Variants in LARS1 observed in about 807,000 individuals in gnomAD.
LARS1 encodes the protein leucyl-tRNA synthetase 1, also known as leucine--tRNA ligase, cytoplasmic.
Under a neutral mutation model 162.8 loss-of-function variants are expected in LARS1, and 100 were observed. That is an observed-to-expected ratio of 0.61 (90% CI 0.52 to 0.73). The LOEUF (loss-of-function observed/expected upper bound fraction) is 0.73. Among genes scored for constraint, LARS1 ranks in the 30% least tolerant of loss-of-function variants. The probability of loss-of-function intolerance (pLI) is 0.00; values close to 1 mark genes in which losing one functional copy is unlikely to be tolerated. For missense variants in LARS1, 1,258 were observed against 1,408.9 expected (o/e 0.89, Z 1.71); for synonymous variants, 457 against 462.8 (o/e 0.99, Z 0.16).
At chr5:146,141,531 C>T (rs534020306) in intron 20 of LARS1, among the ~76,000 whole-genome samples, 5 of 152,294 alleles carry the variant, frequency 3.3e-5, no homozygotes, top group Admixed American at 1.3e-4. Context: ...GGGCCAGGCA[C>T]GGTGGCTCAT....
chr5:146,182,299 TA>T, intron 1 of LARS1, 188 bp downstream of exon 1: 1 of 712,468 alleles, frequency 1.4e-6, no homozygotes, highest in East Asian at 2.5e-5. Flanking sequence ...AAGTACTCCG[TA>T]AAGTTAACAG....
At position 146,129,084 on chromosome 5, in the gene LARS1, G is replaced by A; in HGVS notation, c.2663C>T (p.Ala888Val). 6.2e-7 allele frequency: 1 copy of A among 1,603,560 alleles called. No individual in the cohort carries two copies. The highest frequency in any genetic ancestry group is 8.5e-7 in the Non-Finnish European group (1 of 1,175,366). Residue 888 changes from alanine to valine, a missense_variant, in exon 26 of 32, where the codon GCA (alanine) becomes GTA (valine). Transcript: ENST00000394434. ...DSIMNASWPV[A>V]GPVNEVLIHS... ...TATTAAAACTTCATTAACAGGACCT[G>A]CCACAGGCCATGAAGCATTCATAAT...
At chr5:146,114,363 C>T (rs762798307) in intron 31 of LARS1, 52 bp from the exon 32 acceptor site, 1 of 1,436,114 alleles carries the variant, frequency 7.0e-7, no homozygotes, top group South Asian at 1.2e-5. Flanking sequence ...TCACTCAAAC[C>T]CTGGAGCAGT....
At chr5:146,125,396 A>G (rs1465190446) in intron 28 of LARS1, among the ~76,000 whole-genome samples, 1 of 152,066 alleles carries the variant, frequency 6.6e-6, no homozygotes, top group Admixed American at 6.6e-5. Context: ...GGTCTCCATC[A>G]GGCATCTGCA....
Position 146,126,553 on chromosome 5 carries a change from AAGGAAGG to A in LARS1, c.2881-15_2881-9del. The A allele has an allele frequency of 6.3e-7, 1 of 1,586,348 alleles. No individual in the cohort carries two copies. The highest frequency in any genetic ancestry group is 8.7e-7 in the Non-Finnish European group (1 of 1,155,352). On this transcript the variant is annotated splice_polypyrimidine_tract_variant and intron_variant, in intron 27 of 31. Coordinates refer to ENST00000394434, the MANE Select transcript of LARS1 (RefSeq NM_020117.11). ...CAGTTTTCCGTTATTGGCCTAAGAA[AAGGAAGG>A]AGGGAGAGTAATGTAGAAAAAAAAG...
chr5:146,144,795 C>T, intron 15 of LARS1, 86 bp from the exon 16 acceptor site: 1 of 1,188,704 alleles, frequency 8.4e-7, no homozygotes, highest in Non-Finnish European at 1.2e-6. Context: ...TAAAAAAATG[C>T]TATACCACCA....
chr5:146,145,305 G>A (rs564428637), intron 15 of LARS1, among the ~76,000 whole-genome samples: 1 of 151,670 alleles, frequency 6.6e-6, no homozygotes, highest in Non-Finnish European at 1.5e-5. Context: ...GGCTGGTCTC[G>A]AACCCCTGGG....
intron 14 of LARS1, 40 bp from the exon 15 acceptor site, chr5:146,149,739 G>C (rs748218060): frequency 7.1e-7 from 1 of 1,408,568 alleles, no homozygotes; most frequent in Non-Finnish European, 1.0e-6. Flanking sequence ...ATATAAAACA[G>C]TTAGAATCTG....
chr5:146,153,846 C>G, intron 11 of LARS1, 36 bp from the exon 12 acceptor site: 1 of 1,609,342 alleles, frequency 6.2e-7, no homozygotes, highest in Non-Finnish European at 8.5e-7. Context: ...TAACTAGAAC[C>G]AAAATGTGTT....
At chr5:146,147,827 G>A (rs1029860693) in intron 15 of LARS1, among the ~76,000 whole-genome samples, 2 of 152,074 alleles carry the variant, frequency 1.3e-5, no homozygotes, top group Admixed American at 1.3e-4. Flanking sequence ...AGCCCACCAA[G>A]CACCCAGTAG....
chr5:146,172,799 A>C (rs756994802), intron 2 of LARS1, 25 bp from the exon 3 acceptor site: 73 of 1,315,432 alleles, frequency 5.5e-5, no homozygotes, highest in Admixed American at 1.1e-4. Flanking sequence ...TATAAAAAAG[A>C]AAGTACAGAA....
In LARS1 at chr5:146,151,984, G is replaced by A; in HGVS notation, c.1303C>T (p.Pro435Ser). The A allele has an allele frequency of 6.2e-7, 1 of 1,613,954 alleles. No homozygotes were observed. The highest frequency in any genetic ancestry group is 8.5e-7 in the Non-Finnish European group (1 of 1,180,032). Residue 435 changes from proline to serine, a missense_variant, in exon 14 of 32, where the codon CCA becomes TCA. Physicochemically the swap from Pro to Ser is moderately conservative, Grantham distance 74. Transcript: ENST00000394434. The part of the protein sequence containing the change: ...PFEPVPVIEI[P>S]GFGNLSAVTI... ...ACAGCAGAAAGATTTCCAAAACCTG[G>A]GATTTCAATGACTGGCACCTGCAGC...
chr5:146,129,398 A>G (rs937646391), intron 25 of LARS1, among the ~76,000 whole-genome samples: 6 of 152,176 alleles, frequency 3.9e-5, no homozygotes, highest in African/African-American at 1.4e-4. Context: ...ATGTAATGCT[A>G]ATTTGCCTAA....
At chr5:146,120,529 G>A (rs2126369130) in intron 30 of LARS1, 26 bp from the exon 31 acceptor site, 1 of 1,604,874 alleles carries the variant, frequency 6.2e-7, no homozygotes, top group East Asian at 2.2e-5. Flanking sequence ...GAAAATGATT[G>A]TTTAACTTGA....
intron 6 of LARS1, among the ~76,000 whole-genome samples, chr5:146,161,033 T>C (rs907148480): frequency 6.6e-6 from 1 of 152,226 alleles, no homozygotes; most frequent in Non-Finnish European, 1.5e-5. Context: ...TGGGTTTGGT[T>C]CTAAACCACC....
intron 21 of LARS1, 92 bp from the exon 22 acceptor site, chr5:146,135,756 G>A: frequency 3.7e-6 from 3 of 816,454 alleles, no homozygotes; most frequent in South Asian, 1.9e-5. Flanking sequence ...GCCATGACCA[G>A]ATAAAAACAA....
At chr5:146,159,544 C>T in intron 7 of LARS1, 74 bp from the exon 8 acceptor site, 1 of 1,117,516 alleles carries the variant, frequency 8.9e-7, no homozygotes, top group Non-Finnish European at 1.3e-6. Flanking sequence ...GCCTGTGTTG[C>T]ACCTAATTTC....
chr5:146,137,519 GT>G (rs374348533), intron 21 of LARS1, among the ~76,000 whole-genome samples: 3 of 152,202 alleles, frequency 2.0e-5, no homozygotes, highest in South Asian at 4.1e-4. Flanking sequence ...AGTAACAGTA[GT>G]GATAGTAACA....
At chr5:146,118,439 T>C (rs1384444360) in intron 31 of LARS1, among the ~76,000 whole-genome samples, 1 of 152,184 alleles carries the variant, frequency 6.6e-6, no homozygotes, top group Non-Finnish European at 1.5e-5. Context: ...TAAGTTATAC[T>C]GTTCCATTAC....
Sources: allele counts gnomAD v4.1 joint callset (sites outside exome capture counted in the v4.1 genomes callset), GRCh38; gene constraint gnomAD v4.1.1; transcripts MANE v1.5; gene names NCBI Gene and HGNC (gene_info 2026-07-23, HGNC 2026-07-21).